The following YPEL2 variants were observed in gnomAD, a reference collection of about 807,000 sequenced individuals.
YPEL2 encodes the protein protein yippee-like 2.
Under a neutral mutation model 19.1 loss-of-function variants are expected in YPEL2, and 2 were observed. That is an observed-to-expected ratio of 0.10 (90% confidence interval 0.04 to 0.33). The LOEUF (loss-of-function observed/expected upper bound fraction) is 0.33. Among genes scored for constraint, YPEL2 ranks in the 10% least tolerant of loss-of-function variants. The probability of loss-of-function intolerance (pLI) is 1.00; values close to 1 mark genes in which losing one functional copy is unlikely to be tolerated. For missense variants in YPEL2, 66 were observed against 140.7 expected, an observed-to-expected ratio of 0.47 and a Z score of 2.68; for synonymous variants, 52 against 50.0, an observed-to-expected ratio of 1.04 and a Z score of -0.17.
At position 59,401,399 on chromosome 17, in the gene YPEL2, T is replaced by C. The variant is rs1567769990; in HGVS notation, c.*4209T>C. The C allele has an allele frequency of 6.6e-6, 1 of 152,664 alleles. No homozygotes were observed. The highest frequency in any genetic ancestry group is 2.4e-5 in the African/African-American group (1 of 41,468). 9.5% of individuals were successfully genotyped at this position (152,664 alleles called of 1,614,324 possible). A position where few individuals can be genotyped will look rare whatever the true frequency, so the allele number is the denominator to read the frequency against. The stretch of plus-strand genomic sequence containing the variant: ...GCTATTCTCATGTTACCAAATTCTA[T>C]CTGCGCATATGTTTTTGTATAACAT... On this transcript the variant is annotated 3_prime_UTR_variant, in exon 5 of 5. Coordinates refer to ENST00000312655, the MANE Select transcript of YPEL2 (RefSeq NM_001005404.4).
chr17:59,391,257 T>C (rs1326362754), intron 4 of YPEL2, among the ~76,000 whole-genome samples: 1 of 152,188 alleles, frequency 6.6e-6, no homozygotes, highest in African/African-American at 2.4e-5. Context: ...GCTGACGATA[T>C]GTCAGTGTAG....
Position 59,400,424 on chromosome 17 carries a change from T to C in YPEL2, c.*3234T>C, listed in dbSNP as rs1186930054. 6.6e-6 allele frequency: 1 copy of C among 152,490 alleles called. No individual in the cohort carries two copies. The highest frequency in any genetic ancestry group is 2.4e-5 in the African/African-American group (1 of 41,412). 9.4% of individuals were successfully genotyped at this position (152,490 alleles called of 1,614,324 possible). On this transcript the variant is annotated 3_prime_UTR_variant, in exon 5 of 5. Coordinates refer to ENST00000312655, the MANE Select transcript of YPEL2 (RefSeq NM_001005404.4). ...TTTATTTTCCTTTTAAATTCTATGG[T>C]TTCCTTTGCATTTCTTGAAGTATAT...
At position 59,397,241 on chromosome 17, in the gene YPEL2, A is replaced by G. The variant is rs756419896; in HGVS notation, c.*51A>G. On this transcript the variant is annotated 3_prime_UTR_variant, in exon 5 of 5. Coordinates refer to ENST00000312655, the MANE Select transcript of YPEL2 (RefSeq NM_001005404.4). ...GTCCACGTGAACGCCATTCAACCGA[A>G]CATTCTTCCCAAGCGTGAGAGAGTG... is the stretch of plus-strand genomic sequence containing the variant. The G allele has an allele frequency of 7.0e-7, 1 of 1,427,750 alleles. No individual in the cohort carries two copies. Among genetic ancestry groups the G allele is most frequent in the South Asian group, 1.3e-5 (1 of 74,966 alleles). The allele number at this position is 1,427,750 out of a possible 1,614,324, so 88.4% of individuals were successfully genotyped here.
chr17:59,358,117 T>A (rs1299327246), intron 2 of YPEL2, among the ~76,000 whole-genome samples: 1 of 152,130 alleles, frequency 6.6e-6, no homozygotes, highest in Non-Finnish European at 1.5e-5. Context: ...CAGAATGAGA[T>A]CACACAGCCT....
chr17:59,374,366 T>C (rs1323442948), intron 2 of YPEL2, among the ~76,000 whole-genome samples: 4 of 152,178 alleles, frequency 2.6e-5, no homozygotes, highest in Non-Finnish European at 4.4e-5. Flanking sequence ...CCACCATAAT[T>C]CTTACCACCA....
chr17:59,336,669 A>G lies in YPEL2; in HGVS notation c.-196+4845A>G, dbSNP rs537230017. On this transcript the variant is annotated intron_variant, in intron 1 of 4. Coordinates refer to ENST00000312655, the MANE Select transcript of YPEL2 (RefSeq NM_001005404.4). ...GGCACCTAAGCACTCAGTGCTAGCT[A>G]TTAATAACAGCACTAACATTAATAG... Among the ~76,000 whole-genome samples, 342 of 152,346 alleles carry G rather than the reference A, an allele frequency of 2.2e-3. 2 individuals carry two copies. Among genetic ancestry groups the G allele is most frequent in the Non-Finnish European group, 3.6e-3 (245 of 68,036 alleles).
intron 2 of YPEL2, among the ~76,000 whole-genome samples, chr17:59,358,759 G>C (rs1012316777): frequency 4.0e-5 from 6 of 151,564 alleles, no homozygotes; most frequent in Admixed American, 2.6e-4. Context: ...ATAGGCGCCC[G>C]CCTCCACGCC....
Position 59,397,295 on chromosome 17 carries a change from G to A in YPEL2, c.*105G>A. 1 of 862,300 alleles carries A rather than the reference G, an allele frequency of 1.2e-6. No homozygotes were observed. The highest frequency in any genetic ancestry group is 1.7e-6 in the Non-Finnish European group (1 of 592,766). The allele number at this position is 862,300 out of a possible 1,614,324, so 53.4% of individuals were successfully genotyped here. A position where few individuals can be genotyped will look rare whatever the true frequency, so the allele number is the denominator to read the frequency against. On this transcript the variant is annotated 3_prime_UTR_variant, in exon 5 of 5. Transcript: ENST00000312655. ...GACACTTGGTTCCATCCATTTAGGG[G>A]CCTTGCCATCCGGGGCATCCTCCCA...
chr17:59,385,968 G>A (rs1304056397), intron 2 of YPEL2, among the ~76,000 whole-genome samples: 1 of 152,170 alleles, frequency 6.6e-6, no homozygotes, highest in Non-Finnish European at 1.5e-5. Flanking sequence ...GGAGCTCACA[G>A]TCTACTGAGG....
chr17:59,364,043 A>G (rs1205281209), intron 2 of YPEL2, among the ~76,000 whole-genome samples: 1 of 152,120 alleles, frequency 6.6e-6, no homozygotes, highest in African/African-American at 2.4e-5. Context: ...CTGGTTGTTC[A>G]TTTGGAAATT....
At chr17:59,361,925 G>A (rs1831148872) in intron 2 of YPEL2, among the ~76,000 whole-genome samples, 1 of 152,222 alleles carries the variant, frequency 6.6e-6, no homozygotes. Flanking sequence ...AAGAGCCAGA[G>A]GCAGGGAGCA....
rs539262251 is a variant in YPEL2, at chr17:59,388,969, T to C, written c.162-391T>C. ...TTCCTGTATCAGGACCACACTGTGC[T>C]ATCATGTGTGGCATCTTCAGCTTCA... is the stretch of plus-strand genomic sequence containing the variant. On this transcript the variant is annotated intron_variant, in intron 3 of 4. Transcript: ENST00000312655. 16 of 270,568 alleles carry C rather than the reference T, an allele frequency of 5.9e-5. No homozygotes were observed. In the East Asian group the frequency reaches 1.0e-3, roughly 18 times the overall value. The allele number at this position is 270,568 out of a possible 1,614,324, so 16.8% of individuals were successfully genotyped here. A position where few individuals can be genotyped will look rare whatever the true frequency, so the allele number is the denominator to read the frequency against.
chr17:59,388,754 A>C (rs564715411), intron 3 of YPEL2: 1 of 228,284 alleles, frequency 4.4e-6, no homozygotes, highest in South Asian at 1.0e-4. Context: ...AGGAAGGCCC[A>C]CTTCGGGCAG....
chr17:59,397,270 G>T lies in YPEL2; in HGVS notation c.*80G>T. ...TCTTCCCAAGCGTGAGAGAGTGACT[G>T]ACACTTGGTTCCATCCATTTAGGGG... is the stretch of plus-strand genomic sequence containing the variant. On this transcript the variant is annotated 3_prime_UTR_variant, in exon 5 of 5. Transcript: ENST00000312655. The T allele has an allele frequency of 8.5e-7, 1 of 1,175,956 alleles. No homozygotes were observed. The highest frequency in any genetic ancestry group is 2.4e-5 in the Admixed American group (1 of 42,348). 72.8% of individuals were successfully genotyped at this position (1,175,956 alleles called of 1,614,324 possible). A position where few individuals can be genotyped will look rare whatever the true frequency, so the allele number is the denominator to read the frequency against.
rs568877502 is a variant in YPEL2, at chr17:59,340,654, A to G, written c.-196+8830A>G. Among the ~76,000 whole-genome samples, 88 of 150,328 alleles carry G rather than the reference A, an allele frequency of 5.9e-4. 5 individuals carry two copies. In the South Asian group the frequency reaches 0.018, roughly 31 times the overall value. On this transcript the variant is annotated intron_variant, in intron 1 of 4. Coordinates refer to ENST00000312655, the MANE Select transcript of YPEL2 (RefSeq NM_001005404.4). Reference sequence around the variant, plus strand: ...ATGATCTCGAACTCCTGACCTTGTGATCCGCCCACCTCGGCCTTTCAAAGT... The same window carrying G: ...ATGATCTCGAACTCCTGACCTTGTGGTCCGCCCACCTCGGCCTTTCAAAGT...
intron 2 of YPEL2, among the ~76,000 whole-genome samples, chr17:59,377,478 C>T (rs1399168364): frequency 6.6e-6 from 1 of 152,190 alleles, no homozygotes; most frequent in African/African-American, 2.4e-5. Context: ...GCATGTTGGC[C>T]TCTCTTCTGT....
At chr17:59,389,574 C>A in intron 4 of YPEL2, 106 bp downstream of exon 4, 1 of 836,492 alleles carries the variant, frequency 1.2e-6, no homozygotes, top group Non-Finnish European at 1.9e-6. Flanking sequence ...GTGGGATTGT[C>A]TTAGACCAGA....
chr17:59,334,119 GCA>G (rs2047686291), intron 1 of YPEL2, among the ~76,000 whole-genome samples: 1 of 152,178 alleles, frequency 6.6e-6, no homozygotes, highest in African/African-American at 2.4e-5. Context: ...GAGGGCTGCT[GCA>G]CAGTGTTGTG....
At position 59,400,674 on chromosome 17, in the gene YPEL2, C is replaced by T. The variant is rs967881219; in HGVS notation, c.*3484C>T. 1 of 152,590 alleles carries T rather than the reference C, an allele frequency of 6.6e-6. No homozygotes were observed. The highest frequency in any genetic ancestry group is 1.5e-5 in the Non-Finnish European group (1 of 68,024). 9.5% of individuals were successfully genotyped at this position (152,590 alleles called of 1,614,324 possible). A position where few individuals can be genotyped will look rare whatever the true frequency, so the allele number is the denominator to read the frequency against. On this transcript the variant is annotated 3_prime_UTR_variant, in exon 5 of 5. Transcript: ENST00000312655. Reference sequence around the variant, plus strand: ...TAAAACCAAGTTAATTTAGTAGTAACAACTTACAGTGATTCTTCCTGTTGG... The same window carrying T: ...TAAAACCAAGTTAATTTAGTAGTAATAACTTACAGTGATTCTTCCTGTTGG...
Sources: allele counts gnomAD v4.1 joint callset (sites outside exome capture counted in the v4.1 genomes callset), GRCh38; gene constraint gnomAD v4.1.1; transcripts MANE v1.5; gene names NCBI Gene and HGNC (gene_info 2026-07-23, HGNC 2026-07-21).